Variants in SRRM4 observed in about 807,000 individuals in gnomAD.
SRRM4 encodes the protein serine/arginine repetitive matrix 4, also known as serine/arginine repetitive matrix protein 4.
SRRM4 carries 33 observed loss-of-function variants against 68.9 expected under a neutral mutation model. The observed-to-expected ratio is 0.48, with a 90% confidence interval of 0.36 to 0.64. SRRM4 has a LOEUF of 0.64. Ranked by LOEUF, SRRM4 falls within the 30% of genes least tolerant of loss-of-function variation. The pLI, the probability that SRRM4 is intolerant of heterozygous loss-of-function variation, is 0.00. For synonymous variants in SRRM4, 318 were observed against 318.8 expected (o/e 1.00, Z 0.03); for missense variants, 817 against 827.1 (o/e 0.99, Z 0.15).
chr12:119,078,695 G>T (rs1293843616), intron 1 of SRRM4, among the ~76,000 whole-genome samples: 1 of 152,148 alleles, frequency 6.6e-6, no homozygotes, highest in Admixed American at 6.5e-5. Flanking sequence ...CAAGGCAGGA[G>T]GATTGCTTGA....
intron 1 of SRRM4, among the ~76,000 whole-genome samples, chr12:119,020,093 C>G (rs2136001309): frequency 6.6e-6 from 1 of 152,038 alleles, no homozygotes; most frequent in Non-Finnish European, 1.5e-5. Flanking sequence ...TAAACTCCAG[C>G]CCTCACTTTC....
At chr12:119,025,189 T>C (rs1282976219) in intron 1 of SRRM4, among the ~76,000 whole-genome samples, 4 of 151,372 alleles carry the variant, frequency 2.6e-5, no homozygotes, top group Non-Finnish European at 4.4e-5. Context: ...AACATTTACA[T>C]TGAGATGTTA....
intron 1 of SRRM4, among the ~76,000 whole-genome samples, chr12:119,099,604 T>G (rs1298455606): frequency 6.6e-6 from 1 of 152,250 alleles, no homozygotes; most frequent in African/African-American, 2.4e-5. Context: ...GTTCATAGTT[T>G]CTGTGACTCA....
chr12:119,125,212 C>G (rs1356904436), intron 6 of SRRM4, among the ~76,000 whole-genome samples, 169 bp from the exon 7 acceptor site: 1 of 152,114 alleles, frequency 6.6e-6, no homozygotes, highest in Non-Finnish European at 1.5e-5. Flanking sequence ...CCACCCAATA[C>G]CCAGGCAGGA....
At chr12:119,134,453 T>C (rs1397013628) in intron 8 of SRRM4, among the ~76,000 whole-genome samples, 2 of 151,698 alleles carry the variant, frequency 1.3e-5, no homozygotes, top group Non-Finnish European at 2.9e-5. Flanking sequence ...CACAGTCTAG[T>C]AGTCAGAAGA....
chr12:119,022,343 T>C (rs1362195535), intron 1 of SRRM4, among the ~76,000 whole-genome samples: 2 of 152,160 alleles, frequency 1.3e-5, no homozygotes, highest in Admixed American at 1.3e-4. Context: ...TCAGCACTGG[T>C]CTAGATGCTA....
intron 1 of SRRM4, among the ~76,000 whole-genome samples, chr12:119,044,777 T>C (rs957741284): frequency 2.0e-5 from 3 of 152,162 alleles, no homozygotes; most frequent in African/African-American, 4.8e-5. Context: ...ATTATGATTT[T>C]TACTATTAAT....
chr12:119,005,578 T>C (rs886438565), intron 1 of SRRM4, among the ~76,000 whole-genome samples: 2 of 152,218 alleles, frequency 1.3e-5, no homozygotes, highest in Admixed American at 1.3e-4. Flanking sequence ...TCCACTGTTT[T>C]ATAACTGTGT....
intron 1 of SRRM4, among the ~76,000 whole-genome samples, chr12:119,013,909 C>A (rs915182345): frequency 6.7e-6 from 1 of 148,640 alleles, no homozygotes; most frequent in African/African-American, 2.5e-5. Flanking sequence ...TTGCCCACCC[C>A]AAAGTGTGCA....
At chr12:119,075,467 A>ATGG (rs1260856141) in intron 1 of SRRM4, among the ~76,000 whole-genome samples, 22 of 93,168 alleles carry the variant, frequency 2.4e-4, no homozygotes, top group Non-Finnish European at 4.4e-4. Context: ...GATGGTGATG[A>ATGG]TGATGGTGCT....
chr12:119,128,521 A>G (rs1954274617), intron 7 of SRRM4, among the ~76,000 whole-genome samples: 1 of 152,180 alleles, frequency 6.6e-6, no homozygotes, highest in Non-Finnish European at 1.5e-5. Flanking sequence ...TCCCTATGGT[A>G]TGAAGGAGTG....
chr12:119,035,600 T>C (rs1276363770), intron 1 of SRRM4, among the ~76,000 whole-genome samples: 2 of 152,202 alleles, frequency 1.3e-5, no homozygotes, highest in African/African-American at 4.8e-5. Flanking sequence ...TTTTTAAAAA[T>C]TGATCCTTTA....
chr12:119,152,891 A>C (rs193250002), intron 10 of SRRM4, among the ~76,000 whole-genome samples: 52 of 152,358 alleles, frequency 3.4e-4, no homozygotes, highest in African/African-American at 1.2e-3. Context: ...TAGTCTACAA[A>C]AATCAAGAGC....
intron 1 of SRRM4, among the ~76,000 whole-genome samples, chr12:119,080,535 T>C (rs1478102684): frequency 6.6e-6 from 1 of 152,160 alleles, no homozygotes; most frequent in Non-Finnish European, 1.5e-5. Context: ...TCGACTCAAG[T>C]CCTGATGTTA....
chr12:119,120,092 C>T (rs1157097947), intron 4 of SRRM4, among the ~76,000 whole-genome samples, 158 bp from the exon 5 acceptor site: 2 of 151,738 alleles, frequency 1.3e-5, no homozygotes, highest in African/African-American at 2.4e-5. Context: ...CCTATATTTA[C>T]GTTTTCCCCT....
intron 4 of SRRM4, 63 bp downstream of exon 4, chr12:119,117,071 C>T: frequency 7.5e-7 from 1 of 1,326,396 alleles, no homozygotes; most frequent in Non-Finnish European, 1.1e-6. Flanking sequence ...CAGTTGATGG[C>T]ACTAAAAGGT....
chr12:119,043,775 T>TACACACACACACACAC (rs58053550), intron 1 of SRRM4, among the ~76,000 whole-genome samples: 2,728 of 141,700 alleles, frequency 0.019, 39 homozygotes, highest in Middle Eastern at 0.025. Flanking sequence ...CATACACGCA[T>TACACACACACACACAC]ACACACACAC....
intron 1 of SRRM4, among the ~76,000 whole-genome samples, chr12:119,062,035 T>C (rs1406399861): frequency 6.6e-6 from 1 of 152,220 alleles, no homozygotes; most frequent in Non-Finnish European, 1.5e-5. Flanking sequence ...CCAATCTAGA[T>C]GGGATAGCCT....
Position 119,159,898 on chromosome 12 carries a change from G to A in SRRM4, c.*3100G>A, listed in dbSNP as rs1954499279. ...TGAAATTAGGAAAAAAAAAAAAAAG[G>A]TGGAAGGAGCAGCCAGATGTTCCAC... On this transcript the variant is annotated 3_prime_UTR_variant, in exon 13 of 13. Transcript: ENST00000267260. 1 of 151,158 alleles carries A rather than the reference G, an allele frequency of 6.6e-6. No individual in the cohort carries two copies. The highest frequency in any genetic ancestry group is 2.1e-4 in the South Asian group (1 of 4,788). 9.4% of individuals were successfully genotyped at this position (151,158 alleles called of 1,614,324 possible).
Sources: gnomAD v4.1 joint callset for allele counts (sites outside exome capture counted in the v4.1 genomes callset) on GRCh38, gnomAD v4.1.1 for gene constraint, MANE v1.5 for transcripts, NCBI Gene and HGNC (gene_info 2026-07-23, HGNC 2026-07-21) for gene names.